The following TNR variants were observed in gnomAD, a reference collection of about 807,000 sequenced individuals.
The protein encoded by TNR is tenascin-R.
A neutral mutation model predicts 150.4 loss-of-function variants in TNR; 45 were observed. The observed-to-expected ratio is 0.30, with a 90% CI of 0.24 to 0.38. TNR has a LOEUF of 0.38. TNR is among the 10% of genes least tolerant of loss of function. The probability of loss-of-function intolerance (pLI) is 1.00; values close to 1 mark genes in which losing one functional copy is unlikely to be tolerated. For missense variants in TNR, 1,544 were observed against 1,759.1 expected (o/e 0.88, Z 2.19); for synonymous variants, 687 against 678.4 (o/e 1.01, Z -0.20).
intron 2 of TNR, among the ~76,000 whole-genome samples, chr1:175,495,418 G>T (rs943659863): frequency 4.6e-5 from 7 of 152,194 alleles, no homozygotes; most frequent in African/African-American, 1.7e-4. Context: ...AATGAATGAA[G>T]GTTGTTCTTA....
intron 2 of TNR, among the ~76,000 whole-genome samples, chr1:175,505,750 G>A (rs6667404): frequency 0.025 from 3,877 of 152,304 alleles, 130 homozygotes; most frequent in African/African-American, 0.085. Flanking sequence ...TATAAGAAAC[G>A]ACAGATAAGG....
At chr1:175,431,911 A>ATCTTTCTCTCTCTCTCTCTCTCTCCTTC (rs1553221248) in intron 2 of TNR, among the ~76,000 whole-genome samples, 34 of 136,470 alleles carry the variant, frequency 2.5e-4, no homozygotes, top group African/African-American at 1.0e-3. Context: ...GGACCATAAT[A>ATCTTTCTCTCTCTCTCTCTCTCTCCTTC]TCTCTCTCTC....
chr1:175,588,754 A>C (rs1307866810), intron 1 of TNR, among the ~76,000 whole-genome samples: 1 of 152,140 alleles, frequency 6.6e-6, no homozygotes, highest in Non-Finnish European at 1.5e-5. Context: ...CTCTTTTTAC[A>C]CATGAATAAA....
chr1:175,382,119 A>G (rs1652711858), intron 8 of TNR, among the ~76,000 whole-genome samples: 2 of 152,214 alleles, frequency 1.3e-5, no homozygotes, highest in Non-Finnish European at 1.5e-5. Context: ...TCATTATAGT[A>G]CTCATAATCA....
At chr1:175,367,332 GT>G in intron 9 of TNR, 35 bp from the exon 10 acceptor site, 1 of 1,580,386 alleles carries the variant, frequency 6.3e-7, no homozygotes, top group Non-Finnish European at 8.7e-7. Flanking sequence ...ATTATTCTGT[GT>G]ATGGGGCAGG....
chr1:175,557,104 C>T (rs568598483), intron 1 of TNR, among the ~76,000 whole-genome samples: 1 of 152,290 alleles, frequency 6.6e-6, no homozygotes, highest in South Asian at 2.1e-4. Context: ...AGACAGTCAG[C>T]AAGAATCTGA....
intron 1 of TNR, among the ~76,000 whole-genome samples, chr1:175,696,217 G>GTTTTTTTTTTTTTT: frequency 2.5e-5 from 1 of 40,470 alleles, no homozygotes; most frequent in African/African-American, 7.6e-5. Flanking sequence ...CCTTCCTGTA[G>GTTTTTTTTTTTTTT]TTTTTTTTTT....
intron 1 of TNR, among the ~76,000 whole-genome samples, chr1:175,631,403 C>A (rs538047985): frequency 1.1e-3 from 166 of 152,290 alleles, no homozygotes; most frequent in African/African-American, 3.7e-3. Flanking sequence ...ATCCTTGGCC[C>A]ACATGGCCCA....
rs557714080 is a variant in TNR at position 175,687,130 on chromosome 1, A to T, written c.-165+56096T>A. 8.5e-5 allele frequency among the ~76,000 whole-genome samples: 13 copies of T among 152,284 alleles called. No individual in the cohort carries two copies. The East Asian group carries it at 2.5e-3, about 29-fold the overall frequency. ...GGCACCATGGCATGAGCTAAAGCTT[A>T]GTCAGAGTCCTCCTGGGCTCAGCTC... On this transcript the variant is annotated intron_variant, in intron 1 of 22. Transcript: ENST00000367674.
At chr1:175,514,355 C>G (rs1557979869) in intron 2 of TNR, among the ~76,000 whole-genome samples, 1 of 152,204 alleles carries the variant, frequency 6.6e-6, no homozygotes, top group Admixed American at 6.5e-5. Flanking sequence ...AACATGTTCT[C>G]CCCGAGAGCC....
intron 18 of TNR, among the ~76,000 whole-genome samples, chr1:175,340,726 T>C (rs1650481683): frequency 6.6e-6 from 1 of 152,234 alleles, no homozygotes; most frequent in Admixed American, 6.5e-5. Flanking sequence ...TGGCACATTT[T>C]CCTCTTCTCT....
chr1:175,729,742 T>C (rs1327459950), intron 1 of TNR, among the ~76,000 whole-genome samples: 1 of 152,162 alleles, frequency 6.6e-6, no homozygotes, highest in African/African-American at 2.4e-5. Flanking sequence ...TGAATCAGCA[T>C]GGGTGGCTGG....
chr1:175,691,064 T>C (rs1004711057), intron 1 of TNR, among the ~76,000 whole-genome samples: 1 of 151,738 alleles, frequency 6.6e-6, no homozygotes, highest in Non-Finnish European at 1.5e-5. Context: ...TTTGGGGCCA[T>C]TTTAAACTTG....
chr1:175,643,242 A>C (rs1664718488), intron 1 of TNR, among the ~76,000 whole-genome samples: 1 of 152,212 alleles, frequency 6.6e-6, no homozygotes, highest in Admixed American at 6.5e-5. Flanking sequence ...TCCTGGAGTT[A>C]TGCTCCATGC....
intron 2 of TNR, among the ~76,000 whole-genome samples, chr1:175,464,955 C>G (rs576781870): frequency 6.6e-6 from 1 of 152,220 alleles, no homozygotes; most frequent in South Asian, 2.1e-4. Flanking sequence ...CTTTCACAGG[C>G]ACTCATCCTG....
intron 1 of TNR, among the ~76,000 whole-genome samples, chr1:175,733,167 T>G (rs1023503518): frequency 9.9e-5 from 15 of 152,222 alleles, no homozygotes; most frequent in African/African-American, 2.9e-4. Flanking sequence ...TTTAGCAATA[T>G]TTGACCTTAA....
At chr1:175,485,782 G>A (rs190690674) in intron 2 of TNR, among the ~76,000 whole-genome samples, 214 of 152,280 alleles carry the variant, frequency 1.4e-3, no homozygotes, top group African/African-American at 4.8e-3. Flanking sequence ...AGCCAGGCAC[G>A]GCGAGCTTGC....
At chr1:175,666,611 A>T (rs1665538285) in intron 1 of TNR, among the ~76,000 whole-genome samples, 1 of 152,194 alleles carries the variant, frequency 6.6e-6, no homozygotes, top group South Asian at 2.1e-4. Flanking sequence ...GCTTACTCCC[A>T]CTGGCAGGAC....
chr1:175,444,902 G>C (rs1417308268), intron 2 of TNR, among the ~76,000 whole-genome samples: 2 of 152,202 alleles, frequency 1.3e-5, no homozygotes, highest in Non-Finnish European at 2.9e-5. Context: ...CTGTGCAAAG[G>C]CCCTGAGTGG....
Sources: allele counts gnomAD v4.1 joint callset (sites outside exome capture counted in the v4.1 genomes callset), GRCh38; gene constraint gnomAD v4.1.1; transcripts MANE v1.5; gene names NCBI Gene and HGNC (gene_info 2026-07-23, HGNC 2026-07-21).